Variants in GOLGB1 observed in about 807,000 individuals in gnomAD.
The protein encoded by GOLGB1 is golgin B1, also known as golgin subfamily B member 1.
GOLGB1 carries 174 observed loss-of-function variants against 336.9 expected under a neutral mutation model. The observed-to-expected ratio is 0.52, with a 90% CI of 0.46 to 0.59. The LOEUF is 0.59. Ranked by LOEUF, GOLGB1 falls within the 20% of genes least tolerant of loss-of-function variation. The pLI is 0.00. For synonymous variants in GOLGB1, 1,208 were observed against 1,289.2 expected (o/e 0.94, Z 1.35); for missense variants, 3,331 against 3,645.3 (o/e 0.91, Z 2.22).
At chr3:121,731,368 CTTT>C (rs774044046) in intron 1 of GOLGB1, among the ~76,000 whole-genome samples, 2 of 143,596 alleles carry the variant, frequency 1.4e-5, no homozygotes, top group Admixed American at 7.0e-5. Context: ...TTTTCTTTTT[CTTT>C]TTTTTTTTTT....
At position 121,698,145 on chromosome 3, in the gene GOLGB1, G is replaced by A; in HGVS notation, c.2378C>T (p.Thr793Ile). ...RQRRLDYESQ[T>I]AHDNLLTEQI... ...TTCAGTGAGCAGGTTGTCATGGGCAGTTTGGCTTTCATAATCAAGTCTTCT... is the reference window on the plus strand; with the variant it reads ...TTCAGTGAGCAGGTTGTCATGGGCAATTTGGCTTTCATAATCAAGTCTTCT... Residue 793 changes from threonine to isoleucine, a missense_variant, in exon 13 of 22, where the codon ACT becomes ATT. Thr to Ile is a moderately conservative substitution (Grantham distance 89). Coordinates refer to ENST00000614479, the MANE Select transcript of GOLGB1 (RefSeq NM_001366282.2). 1.2e-6 allele frequency: 2 copies of A among 1,613,788 alleles called. No individual in the cohort carries two copies. Among genetic ancestry groups the A allele is most frequent in the South Asian group, 1.1e-5 (1 of 91,082 alleles).
At chr3:121,742,978 G>A (rs1404849497) in intron 1 of GOLGB1, among the ~76,000 whole-genome samples, 1 of 152,230 alleles carries the variant, frequency 6.6e-6, no homozygotes, top group Non-Finnish European at 1.5e-5. Flanking sequence ...AGGTGCTGGA[G>A]AGGTTGTGGA....
At position 121,669,228 on chromosome 3, in the gene GOLGB1, A is replaced by G. The variant is rs780858993; in HGVS notation, c.9305T>C (p.Val3102Ala). 25 of 1,613,890 alleles carry G rather than the reference A, an allele frequency of 1.5e-5. No homozygotes were observed. Among genetic ancestry groups the G allele is most frequent in the Non-Finnish European group, 2.1e-5 (25 of 1,179,970 alleles). ...TTTACTCACCGCCTGCAGCTCTTGA[A>G]CCTGCTTCTCCAAGACTGCACAGTG... The part of the protein sequence containing the change: ...LNHCAVLEKQ[V>A]QELQAGPLNI... The change falls in exon 18 of 22, where the codon GTT becomes GCT. Residue 3102 changes from valine (V) to alanine (A), a missense_variant. Transcript: ENST00000614479.
chr3:121,706,832 C>T (rs1943898944), intron 10 of GOLGB1, among the ~76,000 whole-genome samples: 1 of 140,810 alleles, frequency 7.1e-6, no homozygotes. Flanking sequence ...GAAAAAAAAA[C>T]TTTCAATGTA....
intron 5 of GOLGB1, among the ~76,000 whole-genome samples, 196 bp from the exon 6 acceptor site, chr3:121,722,574 AT>A (rs1945275765): frequency 6.6e-6 from 1 of 152,152 alleles, no homozygotes; most frequent in Non-Finnish European, 1.5e-5. Flanking sequence ...AGTAGTGGCA[AT>A]TTTTCAATTT....
At chr3:121,704,903 A>C (rs1226349914) in intron 10 of GOLGB1, among the ~76,000 whole-genome samples, 1 of 152,124 alleles carries the variant, frequency 6.6e-6, no homozygotes, top group Non-Finnish European at 1.5e-5. Flanking sequence ...AAACTAAGAA[A>C]ATTTTTTCAC....
chr3:121,693,907 G>A lies in GOLGB1; in HGVS notation c.6616C>T (p.Arg2206Cys), dbSNP rs1443455409. The A allele has an allele frequency of 3.7e-6, 6 of 1,613,676 alleles. No individual in the cohort carries two copies. The highest frequency in any genetic ancestry group is 2.7e-5 in the African/African-American group (2 of 74,868). Reference protein sequence around the residue: ...TKSMSSLQDDRDRVIDEAKKW... With the variant: ...TKSMSSLQDDCDRVIDEAKKW... ...TTAGCTTCATCTATCACCCTGTCAC[G>A]ATCATCCTGGAGGGAAGACATGCTC... The change falls in exon 13 of 22, where the codon CGT (arginine) becomes TGT (cysteine). Residue 2206 changes from arginine (R) to cysteine (C), a missense_variant. Physicochemically the swap from Arg to Cys is radical, Grantham distance 180 (BLOSUM62 -3). Transcript: ENST00000614479.
At chr3:121,708,605 C>T (rs1159218827) in intron 10 of GOLGB1, among the ~76,000 whole-genome samples, 1 of 152,156 alleles carries the variant, frequency 6.6e-6, no homozygotes, top group Non-Finnish European at 1.5e-5. Context: ...TGCACTCCAG[C>T]CTGGGTGAGA....
intron 17 of GOLGB1, among the ~76,000 whole-genome samples, chr3:121,672,151 C>T (rs368759417): frequency 6.6e-6 from 1 of 152,018 alleles, no homozygotes; most frequent in African/African-American, 2.4e-5. Flanking sequence ...CTTGTAGATA[C>T]GTGGGTTGCT....
intron 14 of GOLGB1, among the ~76,000 whole-genome samples, chr3:121,687,077 A>T (rs1028765406): frequency 5.3e-5 from 8 of 152,214 alleles, no homozygotes; most frequent in Non-Finnish European, 1.2e-4. Flanking sequence ...GTTTAAGACC[A>T]GCCTGGCCAA....
chr3:121,730,999 A>G (rs757398736), intron 1 of GOLGB1, 26 bp from the exon 2 acceptor site: 33 of 1,602,646 alleles, frequency 2.1e-5, no homozygotes, highest in Non-Finnish European at 2.7e-5. Context: ...GGGGGAAAAA[A>G]CCTAAGAATC....
chr3:121,719,659 G>C lies in GOLGB1; in HGVS notation c.758C>G (p.Thr253Arg). 1.9e-6 allele frequency: 3 copies of C among 1,607,528 alleles called. No individual in the cohort carries two copies. The highest frequency in any genetic ancestry group is 2.5e-6 in the Non-Finnish European group (3 of 1,176,980). ...LQLVTQADVE[T>R]EMQQKLRVLQ... ...TTAGCAACACACCTGTTGCATCTCT[G>C]TTTCCACATCTGCCTGGGTTACTAA... The change falls in exon 7 of 22, where the codon ACA becomes AGA. Residue 253 changes from threonine to arginine, a missense_variant. Transcript: ENST00000614479.
rs1382442337 is a variant in GOLGB1 at position 121,730,923 on chromosome 3, A to G, written c.49T>C (p.Ser17Pro). Residue 17 changes from serine to proline, a missense_variant, in exon 2 of 22, where the codon TCA becomes CCA. Coordinates refer to ENST00000614479, the MANE Select transcript of GOLGB1 (RefSeq NM_001366282.2). ...TTCTGATCAGTGTCATCATCTCCTG[A>G]TAATTCATGCAAAACAACATTTGCT... ...GLANVVLHEL[S>P]GDDDTDQNMR... 11 of 1,613,152 alleles carry G rather than the reference A, an allele frequency of 6.8e-6. No homozygotes were observed. In the Admixed American group the frequency reaches 1.8e-4, roughly 27 times the overall value.
chr3:121,699,669 A>G (rs751567150), intron 12 of GOLGB1, 143 bp downstream of exon 12: 6 of 477,502 alleles, frequency 1.3e-5, no homozygotes, highest in Non-Finnish European at 1.5e-5. Flanking sequence ...TATAATAACC[A>G]TTATGAATCT....
At chr3:121,686,256 T>C (rs890466310) in intron 14 of GOLGB1, among the ~76,000 whole-genome samples, 7 of 152,072 alleles carry the variant, frequency 4.6e-5, no homozygotes, top group Non-Finnish European at 8.8e-5. Context: ...TCCTAGACTA[T>C]AAATACTGCA....
At chr3:121,738,921 T>A (rs990725541) in intron 1 of GOLGB1, among the ~76,000 whole-genome samples, 4 of 152,102 alleles carry the variant, frequency 2.6e-5, no homozygotes, top group Non-Finnish European at 5.9e-5. Context: ...AGAAAAGCTG[T>A]ATAAAATCTC....
chr3:121,677,492 T>C, intron 15 of GOLGB1, 42 bp from the exon 16 acceptor site: 5 of 1,383,770 alleles, frequency 3.6e-6, no homozygotes, highest in Non-Finnish European at 5.1e-6. Flanking sequence ...AATATACTTG[T>C]AACTGGGCAT....
In GOLGB1 at chr3:121,695,237, T is replaced by G; in HGVS notation, c.5286A>C (p.Gln1762His). 6.2e-7 allele frequency: 1 copy of G among 1,613,746 alleles called. No individual in the cohort carries two copies. Among genetic ancestry groups the G allele is most frequent in the Non-Finnish European group, 8.5e-7 (1 of 1,179,898 alleles). ...TACCTTCTATCTGATGCTTTAAATC[T>G]TGAACCTCTTCACTTAGAGAGTCTT... is the stretch of plus-strand genomic sequence containing the variant. Reference protein sequence around the residue: ...SEKDSLSEEVQDLKHQIEGNV... With the variant: ...SEKDSLSEEVHDLKHQIEGNV... The change falls in exon 13 of 22, where the codon CAA becomes CAC. Residue 1762 changes from glutamine to histidine, a missense_variant. Physicochemically the swap from Gln to His is conservative, Grantham distance 24 (BLOSUM62 0). Coordinates refer to ENST00000614479, the MANE Select transcript of GOLGB1 (RefSeq NM_001366282.2).
chr3:121,674,245 T>C (rs961143900), intron 17 of GOLGB1, among the ~76,000 whole-genome samples: 12 of 151,684 alleles, frequency 7.9e-5, no homozygotes, highest in African/African-American at 2.7e-4. Context: ...GCTTTTTTTT[T>C]TGTTTTGTTT....
Sources: allele counts gnomAD v4.1 joint callset (sites outside exome capture counted in the v4.1 genomes callset), GRCh38; gene constraint gnomAD v4.1.1; transcripts MANE v1.5; gene names NCBI Gene and HGNC (gene_info 2026-07-23, HGNC 2026-07-21).